The following ARIH1 variants were observed in gnomAD, a reference collection of about 807,000 sequenced individuals.
ARIH1 encodes ariadne RBR E3 ubiquitin protein ligase 1, also known as E3 ubiquitin-protein ligase ARIH1.
ARIH1 carries 8 observed loss-of-function variants against 85.0 expected under a neutral mutation model. That is an observed-to-expected ratio of 0.09 (90% CI 0.06 to 0.17). ARIH1 has a LOEUF of 0.17. Ranked by LOEUF, ARIH1 falls within the 10% of genes least tolerant of loss-of-function variation. ARIH1 has a pLI of 1.00. For synonymous variants in ARIH1, 238 were observed against 253.6 expected (o/e 0.94, Z 0.59); for missense variants, 311 against 718.1 (o/e 0.43, Z 6.48).
chr15:72,562,734 G>A (rs1245401761), intron 6 of ARIH1, among the ~76,000 whole-genome samples: 1 of 151,304 alleles, frequency 6.6e-6, no homozygotes, highest in Non-Finnish European at 1.5e-5. Flanking sequence ...ATTTTCTTGT[G>A]TCTTTTGAAA....
chr15:72,598,299 T>G lies in ARIH1; in HGVS notation c.*15007T>G, dbSNP rs923289925. The G allele has an allele frequency of 6.6e-6, 1 of 152,184 alleles. No individual in the cohort carries two copies. The highest frequency in any genetic ancestry group is 1.9e-4 in the East Asian group (1 of 5,198). The allele number at this position is 152,184 out of a possible 1,614,324, so 9.4% of individuals were successfully genotyped here. A position where few individuals can be genotyped will look rare whatever the true frequency, so the allele number is the denominator to read the frequency against. ...TTAGCTTTCTGATGAATTAAACATA[T>G]GTTTTATTTTCTAGCTCATCTGGCC... On this transcript the variant is annotated 3_prime_UTR_variant, in exon 14 of 14. Transcript: ENST00000379887.
intron 3 of ARIH1, among the ~76,000 whole-genome samples, chr15:72,545,757 A>G (rs751278141): frequency 2.6e-5 from 4 of 152,264 alleles, no homozygotes; most frequent in Admixed American, 6.5e-5. Context: ...TGAGCCTGGA[A>G]GGCAGAGGTT....
intron 1 of ARIH1, among the ~76,000 whole-genome samples, chr15:72,502,774 C>G (rs1402468095): frequency 6.6e-6 from 1 of 152,024 alleles, no homozygotes; most frequent in African/African-American, 2.4e-5. Flanking sequence ...CCACTGTACT[C>G]CAGCCTGAGC....
intron 1 of ARIH1, among the ~76,000 whole-genome samples, chr15:72,511,148 C>A (rs529778043): frequency 3.0e-4 from 45 of 152,196 alleles, no homozygotes; most frequent in Non-Finnish European, 5.4e-4. Context: ...AAATTTCTTT[C>A]ATCAATATTT....
At chr15:72,547,236 T>TTC (rs59257336) in intron 3 of ARIH1, among the ~76,000 whole-genome samples, 17 of 149,782 alleles carry the variant, frequency 1.1e-4, no homozygotes, top group Admixed American at 1.1e-3. Flanking sequence ...CTCTTTCCTT[T>TTC]TCTCTTTTTT....
At chr15:72,476,214 A>T (rs2063794413) in intron 1 of ARIH1, among the ~76,000 whole-genome samples, 1 of 152,248 alleles carries the variant, frequency 6.6e-6, no homozygotes, top group Admixed American at 6.5e-5. Flanking sequence ...TAACAGTTTT[A>T]AAAATTGAAG....
intron 1 of ARIH1, among the ~76,000 whole-genome samples, chr15:72,491,870 C>T (rs919846763): frequency 3.3e-5 from 5 of 152,108 alleles, no homozygotes; most frequent in South Asian, 4.1e-4. Context: ...TATACACAAA[C>T]GTGTGAATGT....
In ARIH1 at chr15:72,474,826, T is replaced by A; in HGVS notation, c.187T>A (p.Cys63Ser). Residue 63 changes from cysteine to serine, a missense_variant, in exon 1 of 14, where the codon TGC (cysteine) becomes AGC (serine). This residue lies in a region of ARIH1 where 157 missense variants were observed against 185.1 expected (regional missense o/e 0.85). Transcript: ENST00000379887. ...CGGCGGGGAGCGGGACGGACTGCTGTGCGGGGAGACGGGCGGTGGCGGCGG... is the reference window on the plus strand; with the variant it reads ...CGGCGGGGAGCGGGACGGACTGCTGAGCGGGGAGACGGGCGGTGGCGGCGG... Reference protein sequence around the residue: ...GVGGERDGLLCGETGGGGGSA... With the variant: ...GVGGERDGLLSGETGGGGGSA... 7.1e-7 allele frequency: 1 copy of A among 1,415,550 alleles called. No homozygotes were observed. 87.7% of individuals were successfully genotyped at this position (1,415,550 alleles called of 1,614,324 possible). A position where few individuals can be genotyped will look rare whatever the true frequency, so the allele number is the denominator to read the frequency against.
Position 72,587,383 on chromosome 15 carries a change from C to A in ARIH1, c.*4091C>A. The A allele has an allele frequency of 2.5e-6, 1 of 401,050 alleles. No homozygotes were observed. Among genetic ancestry groups the A allele is most frequent in the Non-Finnish European group, 5.0e-6 (1 of 198,062 alleles). The allele number at this position is 401,050 out of a possible 1,614,324, so 24.8% of individuals were successfully genotyped here. A position where few individuals can be genotyped will look rare whatever the true frequency, so the allele number is the denominator to read the frequency against. Reference sequence around the variant, plus strand: ...TGCTACTGTTAGAGGTTGCTCTATACTATCTCTGATCTTTCATTTGTTGCA... The same window carrying A: ...TGCTACTGTTAGAGGTTGCTCTATAATATCTCTGATCTTTCATTTGTTGCA... On this transcript the variant is annotated 3_prime_UTR_variant, in exon 14 of 14. Coordinates refer to ENST00000379887, the MANE Select transcript of ARIH1 (RefSeq NM_005744.5).
intron 3 of ARIH1, among the ~76,000 whole-genome samples, chr15:72,548,211 A>C (rs2064137828): frequency 6.6e-6 from 1 of 152,212 alleles, no homozygotes. Context: ...TACCTAACCC[A>C]GTTTTTGATC....
chr15:72,561,334 T>A (rs879145099), intron 5 of ARIH1, 149 bp from the exon 6 acceptor site: 75 of 625,734 alleles, frequency 1.2e-4, no homozygotes, highest in Admixed American at 1.9e-4. Context: ...ACAGTTATAT[T>A]TGTTGATAGC....
chr15:72,571,421 T>TGCTCCCATAATGTAG (rs2064246342), intron 10 of ARIH1, among the ~76,000 whole-genome samples: 2 of 152,234 alleles, frequency 1.3e-5, no homozygotes, highest in Admixed American at 6.5e-5. Context: ...ATGAAATAGC[T>TGCTCCCATAATGTAG]GCTCCCATAA....
intron 1 of ARIH1, among the ~76,000 whole-genome samples, chr15:72,516,967 G>C (rs1394003318): frequency 6.6e-6 from 1 of 152,144 alleles, no homozygotes; most frequent in Non-Finnish European, 1.5e-5. Flanking sequence ...ATCTTTGAAT[G>C]AGTCAGGCCT....
intron 1 of ARIH1, among the ~76,000 whole-genome samples, chr15:72,475,809 C>T (rs902194657): frequency 8.5e-5 from 13 of 152,262 alleles, no homozygotes; most frequent in African/African-American, 2.9e-4. Context: ...AGGTTTTCTG[C>T]TTGTGAACTC....
At chr15:72,579,048 TGCTAGGATTAC>T (rs1344592795) in intron 11 of ARIH1, among the ~76,000 whole-genome samples, 1 of 152,124 alleles carries the variant, frequency 6.6e-6, no homozygotes, top group Non-Finnish European at 1.5e-5. Flanking sequence ...CCTCCCAAAG[TGCTAGGATTAC>T]AGGCATGAGC....
chr15:72,569,919 A>G (rs2064235934), intron 9 of ARIH1, among the ~76,000 whole-genome samples: 1 of 152,190 alleles, frequency 6.6e-6, no homozygotes, highest in South Asian at 2.1e-4. Context: ...AGCCTAGGCA[A>G]TGTAGTGAGA....
At chr15:72,571,385 A>G (rs1224132955) in intron 10 of ARIH1, among the ~76,000 whole-genome samples, 1 of 152,182 alleles carries the variant, frequency 6.6e-6, no homozygotes, top group African/African-American at 2.4e-5. Context: ...GTCATTAGCC[A>G]AGTGCATGGT....
intron 1 of ARIH1, among the ~76,000 whole-genome samples, chr15:72,514,994 A>G (rs2063968524): frequency 6.6e-6 from 1 of 152,076 alleles, no homozygotes; most frequent in Non-Finnish European, 1.5e-5. Context: ...CAAAAAAACA[A>G]CAAAAAAGAT....
chr15:72,570,159 T>C lies in ARIH1; in HGVS notation c.1027-18T>C, dbSNP rs2064236942. On this transcript the variant is annotated intron_variant, in intron 9 of 13. Transcript: ENST00000379887. The stretch of plus-strand genomic sequence containing the variant: ...CCTAGTGTAGCATTGACACCAACTT[T>C]ATAGTTTCTCTTCATAGGAATGTCC... 1 of 1,613,092 alleles carries C rather than the reference T, an allele frequency of 6.2e-7. No individual in the cohort carries two copies.
Sources: allele counts gnomAD v4.1 joint callset (sites outside exome capture counted in the v4.1 genomes callset), GRCh38; gene constraint gnomAD v4.1.1; regional missense constraint gnomAD v4.1.1; transcripts MANE v1.5; gene names NCBI Gene and HGNC (gene_info 2026-07-23, HGNC 2026-07-21).